The following DEGS1 variants were observed in gnomAD, a reference collection of about 807,000 sequenced individuals.
DEGS1 encodes the protein delta 4-desaturase, sphingolipid 1.
DEGS1 carries 17 observed loss-of-function variants against 24.1 expected under a neutral mutation model. The ratio of observed to expected loss-of-function variants is 0.70; its 90% CI spans 0.48 to 1.06. The LOEUF (loss-of-function observed/expected upper bound fraction) is 1.06. DEGS1 is among the 50% of genes least tolerant of loss of function. The probability of loss-of-function intolerance (pLI) is 0.00; values close to 1 mark genes in which losing one functional copy is unlikely to be tolerated. For synonymous variants in DEGS1, 134 were observed against 140.0 expected (o/e 0.96, Z 0.30); for missense variants, 366 against 408.9 (o/e 0.90, Z 0.91).
chr1:224,192,331 G>A lies in DEGS1; in HGVS notation c.826-1G>A, dbSNP rs1273116884. The A allele has an allele frequency of 5.6e-6, 9 of 1,607,358 alleles. No individual in the cohort carries two copies. The highest frequency in any genetic ancestry group is 7.6e-6 in the Non-Finnish European group (9 of 1,178,366). On this transcript the variant is annotated splice_acceptor_variant, in intron 2 of 2. Coordinates refer to ENST00000323699, the MANE Select transcript of DEGS1 (RefSeq NM_003676.4). LOFTEE classifies it high-confidence loss of function. ...ATCTTGCTGTATTTTTTCCCTTCTA[G>A]GTGAGGAAAATAGCAGCTGAATACT...
In DEGS1 at chr1:224,193,343, A is replaced by T. The variant is rs1232153862; in HGVS notation, c.*865A>T. 4 of 152,216 alleles carry T rather than the reference A, an allele frequency of 2.6e-5. No individual in the cohort carries two copies. The highest frequency in any genetic ancestry group is 4.4e-5 in the Non-Finnish European group (3 of 68,040). 9.4% of individuals were successfully genotyped at this position (152,216 alleles called of 1,614,324 possible). A position where few individuals can be genotyped will look rare whatever the true frequency, so the allele number is the denominator to read the frequency against. Reference sequence around the variant, plus strand: ...TCCCTGTAAGCTGAATTACTCATTTAAAAATTTTAACTTCTATATGGGACC... The same window carrying T: ...TCCCTGTAAGCTGAATTACTCATTTTAAAATTTTAACTTCTATATGGGACC... On this transcript the variant is annotated 3_prime_UTR_variant, in exon 3 of 3. Transcript: ENST00000323699.
chr1:224,184,829 T>A (rs1407641313), intron 1 of DEGS1, among the ~76,000 whole-genome samples: 1 of 152,014 alleles, frequency 6.6e-6, no homozygotes, highest in East Asian at 1.9e-4. Flanking sequence ...GCACGAGCTT[T>A]TTAACCTCTG....
intron 1 of DEGS1, among the ~76,000 whole-genome samples, chr1:224,188,069 A>G (rs1397005097): frequency 6.6e-6 from 1 of 151,268 alleles, no homozygotes; most frequent in African/African-American, 2.4e-5. Flanking sequence ...TGCTGGCATT[A>G]TAGGTGTGAG....
At position 224,190,017 on chromosome 1, in the gene DEGS1, C is replaced by T; in HGVS notation, c.523C>T (p.Leu175=). 6.2e-7 allele frequency: 1 copy of T among 1,614,208 alleles called. No homozygotes were observed. Among genetic ancestry groups the T allele is most frequent in the Non-Finnish European group, 8.5e-7 (1 of 1,180,046 alleles). The change falls in exon 2 of 3, where the codon CTG becomes TTG. Residue 175 remains leucine, a synonymous_variant. Transcript: ENST00000323699. ...GCCTCTCTTTTATGCCTTTCGACCT[C>T]TGTTCATCAACCCCAAACCAATTAC... ...LQPLFYAFRP[L]FINPKPITYL...
At chr1:224,190,390 C>A in intron 2 of DEGS1, 71 bp downstream of exon 2, 1 of 1,350,054 alleles carries the variant, frequency 7.4e-7, no homozygotes, top group Non-Finnish European at 9.8e-7. Context: ...CGGTGTCTCA[C>A]TCAGTCGCCC....
rs1229216548 is a variant in DEGS1 at position 224,189,691 on chromosome 1, G to A, written c.197G>A (p.Trp66Ter). ...TTTTACATAGTAAAAGACTTGGACT[G>A]GAAATGGGTCATATTTGGGGCCTAT... ...GAFYIVKDLD[W>*]KWVIFGAYAF... Residue 66 changes from tryptophan to a stop codon, truncating the protein, a stop_gained, in exon 2 of 3, where the codon TGG (tryptophan) becomes TAG (stop). Transcript: ENST00000323699. LOFTEE classifies it high-confidence loss of function. 2 of 1,614,044 alleles carry A rather than the reference G, an allele frequency of 1.2e-6. No homozygotes were observed. The highest frequency in any genetic ancestry group is 1.7e-6 in the Non-Finnish European group (2 of 1,180,032).
rs1658279342 is a variant in DEGS1, at chr1:224,183,260, G to A, written c.-77G>A. On this transcript the variant is annotated 5_prime_UTR_variant, in exon 1 of 3. Coordinates refer to ENST00000323699, the MANE Select transcript of DEGS1 (RefSeq NM_003676.4). ...CCGACACCACACCAGCCGGGGAGCC[G>A]CCGCCGCCGCCGCCACCTCTGAGCA... The A allele has an allele frequency of 3.0e-6, 4 of 1,336,738 alleles. No homozygotes were observed. Among genetic ancestry groups the A allele is most frequent in the East Asian group, 3.3e-5 (1 of 29,970 alleles). 82.8% of individuals were successfully genotyped at this position (1,336,738 alleles called of 1,614,324 possible).
chr1:224,183,783 G>A (rs1658302606), intron 1 of DEGS1: 1 of 171,420 alleles, frequency 5.8e-6, no homozygotes, highest in Non-Finnish European at 1.2e-5. Flanking sequence ...GTGCCCTCAG[G>A]TGGGCGCCCT....
chr1:224,184,804 C>T (rs1658334592), intron 1 of DEGS1, among the ~76,000 whole-genome samples: 1 of 152,032 alleles, frequency 6.6e-6, no homozygotes, highest in African/African-American at 2.4e-5. Flanking sequence ...GCGTGAACCA[C>T]CGTGCCCGGC....
chr1:224,187,393 G>T (rs183018861), intron 1 of DEGS1, among the ~76,000 whole-genome samples: 11 of 151,800 alleles, frequency 7.2e-5, no homozygotes, highest in Non-Finnish European at 1.6e-4. Flanking sequence ...TTTATTTTTT[G>T]AGAGAGAGTC....
At chr1:224,191,704 C>T (rs1393440908) in intron 2 of DEGS1, among the ~76,000 whole-genome samples, 4 of 149,272 alleles carry the variant, frequency 2.7e-5, no homozygotes, top group African/African-American at 9.9e-5. Flanking sequence ...AAGCAATTCT[C>T]CTATCTCAGC....
chr1:224,189,327 ATG>A lies in DEGS1; in HGVS notation c.83-247_83-246del, dbSNP rs751327827. 7.2e-5 allele frequency among the ~76,000 whole-genome samples: 11 copies of A among 152,334 alleles called. No individual in the cohort carries two copies. The South Asian group carries it at 1.0e-3, about 14-fold the overall frequency. ...AATAACATGTATTTTAATATAAAGA[ATG>A]TGGAACTTCTAAACTTTGAGGCTAA... On this transcript the variant is annotated intron_variant, in intron 1 of 2. Transcript: ENST00000323699.
intron 1 of DEGS1, among the ~76,000 whole-genome samples, chr1:224,184,490 G>T (rs1307315632): frequency 1.5e-5 from 2 of 137,792 alleles, no homozygotes; most frequent in Non-Finnish European, 3.2e-5. Flanking sequence ...TTTTGAGACT[G>T]CACGTGTTTG....
intron 2 of DEGS1, 121 bp from the exon 3 acceptor site, chr1:224,192,211 A>T: frequency 2.9e-6 from 2 of 701,036 alleles, no homozygotes; most frequent in East Asian, 3.2e-5. Flanking sequence ...TTTTTAAGAG[A>T]GAGGAGGGAG....
At chr1:224,192,229 T>A in intron 2 of DEGS1, 103 bp from the exon 3 acceptor site, 1 of 954,866 alleles carries the variant, frequency 1.0e-6, no homozygotes, top group Non-Finnish European at 1.5e-6. Flanking sequence ...GAGGCAGGTC[T>A]CATGGTTTCC....
chr1:224,188,044 C>T (rs1390773601), intron 1 of DEGS1, among the ~76,000 whole-genome samples: 1 of 151,698 alleles, frequency 6.6e-6, no homozygotes, highest in Non-Finnish European at 1.5e-5. Flanking sequence ...ATCCTCCTGC[C>T]TTGGCCTCTC....
chr1:224,192,216 A>C, intron 2 of DEGS1, 116 bp from the exon 3 acceptor site: 1 of 723,688 alleles, frequency 1.4e-6, no homozygotes, highest in South Asian at 2.2e-5. Flanking sequence ...AAGAGAGAGG[A>C]GGGAGGCAGG....
intron 1 of DEGS1, among the ~76,000 whole-genome samples, chr1:224,188,175 T>C (rs1043203903): frequency 6.6e-6 from 1 of 152,120 alleles, no homozygotes; most frequent in African/African-American, 2.4e-5. Context: ...GGAGGATCAC[T>C]TGAGTCCAGG....
chr1:224,192,234 G>T, intron 2 of DEGS1, 98 bp from the exon 3 acceptor site: 2 of 1,044,258 alleles, frequency 1.9e-6, no homozygotes, highest in Non-Finnish European at 2.7e-6. Context: ...AGGTCTCATG[G>T]TTTCCCTTCT....
Sources: gnomAD v4.1 joint callset for allele counts (sites outside exome capture counted in the v4.1 genomes callset) on GRCh38, gnomAD v4.1.1 for gene constraint, MANE v1.5 for transcripts, NCBI Gene and HGNC (gene_info 2026-07-23, HGNC 2026-07-21) for gene names.